MPZL1: variants seen among roughly 807,000 people sequenced by gnomAD.
MPZL1 encodes myelin protein zero like 1.
A neutral mutation model predicts 29.3 loss-of-function variants in MPZL1; 16 were observed. The observed-to-expected ratio is 0.55, with a 90% CI of 0.37 to 0.83. MPZL1 has a LOEUF of 0.83. MPZL1 is among the 40% of genes least tolerant of loss of function. The probability of loss-of-function intolerance (pLI) is 0.00; values close to 1 mark genes in which losing one functional copy is unlikely to be tolerated. For synonymous variants in MPZL1, 143 were observed against 132.0 expected, an observed-to-expected ratio of 1.08 and a Z score of -0.57; for missense variants, 279 against 332.9, an observed-to-expected ratio of 0.84 and a Z score of 1.26.
At chr1:167,748,879 T>C (rs1004631128) in intron 1 of MPZL1, among the ~76,000 whole-genome samples, 2 of 152,236 alleles carry the variant, frequency 1.3e-5, no homozygotes, top group Non-Finnish European at 2.9e-5. Context: ...TCCTCAGTTT[T>C]TCTTATGATA....
At chr1:167,787,659 C>G (rs755472105) in intron 5 of MPZL1, among the ~76,000 whole-genome samples, 161 bp from the exon 6 acceptor site, 1 of 152,174 alleles carries the variant, frequency 6.6e-6, no homozygotes, top group Non-Finnish European at 1.5e-5. Flanking sequence ...CAAAGTCAGT[C>G]CTGGATGTAT....
intron 2 of MPZL1, among the ~76,000 whole-genome samples, chr1:167,767,115 A>G (rs188494444): frequency 1.3e-5 from 2 of 152,354 alleles, no homozygotes; most frequent in South Asian, 2.1e-4. Flanking sequence ...AATCTCCCCT[A>G]TGGAGAATGC....
intron 5 of MPZL1, among the ~76,000 whole-genome samples, chr1:167,783,051 G>C (rs1003584955): frequency 6.6e-6 from 1 of 152,136 alleles, no homozygotes; most frequent in African/African-American, 2.4e-5. Context: ...ACTTGATTGC[G>C]AATCTGGTGG....
chr1:167,785,354 A>C (rs1341193492), intron 5 of MPZL1, among the ~76,000 whole-genome samples: 1 of 152,216 alleles, frequency 6.6e-6, no homozygotes, highest in Non-Finnish European at 1.5e-5. Context: ...TGGCTTCTTC[A>C]CATGGTAGTG....
chr1:167,781,371 A>C (rs1661493701), intron 5 of MPZL1, among the ~76,000 whole-genome samples: 1 of 152,164 alleles, frequency 6.6e-6, no homozygotes, highest in African/African-American at 2.4e-5. Flanking sequence ...ATTCTCATTA[A>C]ATTTAAAAGG....
At chr1:167,734,234 T>C (rs1660331810) in intron 1 of MPZL1, among the ~76,000 whole-genome samples, 1 of 150,290 alleles carries the variant, frequency 6.7e-6, no homozygotes, top group Non-Finnish European at 1.5e-5. Flanking sequence ...CCAGCCTGGG[T>C]GACAGAGCGA....
intron 1 of MPZL1, among the ~76,000 whole-genome samples, chr1:167,760,360 A>AC (rs11429264): frequency 0.84 from 128,180 of 151,984 alleles, 54,567 homozygotes; most frequent in African/African-American, 0.96. Context: ...CCGCCACCAC[A>AC]CCAGCTAATT....
At chr1:167,749,577 A>C (rs1660714985) in intron 1 of MPZL1, among the ~76,000 whole-genome samples, 1 of 152,202 alleles carries the variant, frequency 6.6e-6, no homozygotes, top group South Asian at 2.1e-4. Flanking sequence ...CCATTCCTTC[A>C]ACTTCTTGAT....
chr1:167,775,791 A>G (rs1219204563), intron 4 of MPZL1, among the ~76,000 whole-genome samples: 2 of 152,188 alleles, frequency 1.3e-5, no homozygotes, highest in Non-Finnish European at 2.9e-5. Context: ...GAATTCCAAT[A>G]TGATTTTTGT....
At chr1:167,741,955 C>G (rs556496741) in intron 1 of MPZL1, among the ~76,000 whole-genome samples, 126 of 152,068 alleles carry the variant, frequency 8.3e-4, no homozygotes, top group African/African-American at 2.9e-3. Flanking sequence ...ATTGCTTGCA[C>G]CTGGGAGGTT....
chr1:167,727,158 A>G (rs1229264874), intron 1 of MPZL1, among the ~76,000 whole-genome samples: 1 of 152,222 alleles, frequency 6.6e-6, no homozygotes, highest in African/African-American at 2.4e-5. Flanking sequence ...TTTTAAAAAC[A>G]TGATTTAATT....
intron 1 of MPZL1, among the ~76,000 whole-genome samples, chr1:167,741,385 G>A (rs1468978267): frequency 6.8e-6 from 1 of 146,098 alleles, no homozygotes; most frequent in African/African-American, 2.5e-5. Context: ...GCGTGCTGTG[G>A]CATGATCTCA....
chr1:167,765,547 T>C (rs769099868), intron 1 of MPZL1, 36 bp from the exon 2 acceptor site: 5 of 1,559,904 alleles, frequency 3.2e-6, no homozygotes, highest in African/African-American at 1.4e-5. Context: ...TCATGTTAAG[T>C]CCTACTTTCA....
chr1:167,730,647 A>G (rs1660244080), intron 1 of MPZL1, among the ~76,000 whole-genome samples: 1 of 152,204 alleles, frequency 6.6e-6, no homozygotes, highest in Non-Finnish European at 1.5e-5. Context: ...TGAATCCATT[A>G]TACTGAGTGA....
At chr1:167,779,679 A>C (rs1036473479) in intron 5 of MPZL1, among the ~76,000 whole-genome samples, 2 of 152,236 alleles carry the variant, frequency 1.3e-5, no homozygotes, top group Non-Finnish European at 2.9e-5. Context: ...ACAGTAGTAC[A>C]AAGGATGGGG....
chr1:167,770,329 G>A (rs1028344679), intron 2 of MPZL1, among the ~76,000 whole-genome samples: 4 of 152,208 alleles, frequency 2.6e-5, no homozygotes, highest in Non-Finnish European at 5.9e-5. Flanking sequence ...ATAGCTGCTT[G>A]GATTAGAGCC....
chr1:167,776,237 G>A lies in MPZL1; in HGVS notation c.708+71G>A, dbSNP rs377388248. The A allele has an allele frequency of 3.6e-6, 4 of 1,124,580 alleles. No individual in the cohort carries two copies. The East Asian group carries it at 7.8e-5, about 22-fold the overall frequency. 69.7% of individuals were successfully genotyped at this position (1,124,580 alleles called of 1,614,324 possible). On this transcript the variant is annotated intron_variant, in intron 5 of 5. Transcript: ENST00000359523. ...TTGGTGCTCTGTCACTTCCTTGGGT[G>A]TGGAAAAGAATACTGAGCTATGAGA...
At position 167,765,742 on chromosome 1, in the gene MPZL1, C is replaced by T. The variant is rs1271492786; in HGVS notation, c.251C>T (p.Thr84Ile). 20 of 1,605,212 alleles carry T rather than the reference C, an allele frequency of 1.2e-5. No individual in the cohort carries two copies. The highest frequency in any genetic ancestry group is 1.6e-5 in the Non-Finnish European group (19 of 1,176,304). Reference protein sequence around the residue: ...WSFQPEGADTTVSFFHYSQGQ... With the variant: ...WSFQPEGADTIVSFFHYSQGQ... ...TTCCAGCCAGAGGGGGCCGACACTA[C>T]TGTGTCGGTAAGAATGCTTGACTTC... The change falls in exon 2 of 6, where the codon ACT becomes ATT. Residue 84 changes from threonine to isoleucine, a missense_variant. Thr to Ile is a moderately conservative substitution (Grantham distance 89). Transcript: ENST00000359523.
chr1:167,748,961 A>T (rs764600576), intron 1 of MPZL1, among the ~76,000 whole-genome samples: 4 of 152,174 alleles, frequency 2.6e-5, no homozygotes, highest in Non-Finnish European at 5.9e-5. Flanking sequence ...ATTTACACAA[A>T]CATTTGGGTT....
Sources: allele counts gnomAD v4.1 joint callset (sites outside exome capture counted in the v4.1 genomes callset), GRCh38; gene constraint gnomAD v4.1.1; transcripts MANE v1.5; gene names NCBI Gene and HGNC (gene_info 2026-07-23, HGNC 2026-07-21).